CACNA2D1: variants seen among roughly 807,000 people sequenced by gnomAD.
CACNA2D1 encodes voltage-dependent calcium channel subunit alpha-2/delta-1.
CACNA2D1 carries 53 observed loss-of-function variants against 171.5 expected under a neutral mutation model. The observed-to-expected ratio is 0.31, with a 90% CI of 0.25 to 0.39. CACNA2D1 has a LOEUF of 0.39. CACNA2D1 is among the 10% of genes least tolerant of loss of function. The pLI is 1.00. For missense variants in CACNA2D1, 903 were observed against 1,299.8 expected (o/e 0.69, Z 4.69); for synonymous variants, 442 against 443.1 (o/e 1.00, Z 0.03).
intron 1 of CACNA2D1, among the ~76,000 whole-genome samples, chr7:82,357,677 C>T (rs1330378692): frequency 6.9e-6 from 1 of 144,432 alleles, no homozygotes; most frequent in Admixed American, 7.3e-5. Flanking sequence ...GGGAACTATA[C>T]CACAGAGAAA....
At position 82,167,833 on chromosome 7, in the gene CACNA2D1, G is replaced by A. The variant is rs549046277; in HGVS notation, c.354+2717C>T. On this transcript the variant is annotated intron_variant, in intron 4 of 38. Coordinates refer to ENST00000356860, the MANE Select transcript of CACNA2D1 (RefSeq NM_000722.4). ...AATAAATTGTGAGGTAACCAAGGGG[G>A]AAATTAGGAACAGAATTTCTTCAAG... Among the ~76,000 whole-genome samples the A allele has an allele frequency of 1.4e-4, 22 of 152,186 alleles. No homozygotes were observed. The East Asian group carries it at 3.5e-3, about 24-fold the overall frequency.
At chr7:81,958,225 T>A (rs1793669288) in intron 38 of CACNA2D1, among the ~76,000 whole-genome samples, 2 of 152,112 alleles carry the variant, frequency 1.3e-5, no homozygotes, top group South Asian at 4.1e-4. Flanking sequence ...CCATTACTGA[T>A]TTTATTACTT....
At chr7:82,317,901 C>T (rs1563358212) in intron 3 of CACNA2D1, among the ~76,000 whole-genome samples, 1 of 150,960 alleles carries the variant, frequency 6.6e-6, no homozygotes, top group Non-Finnish European at 1.5e-5. Flanking sequence ...AATGAAAATC[C>T]GAAGAGAGTT....
intron 6 of CACNA2D1, among the ~76,000 whole-genome samples, chr7:82,089,172 G>A (rs1311511828): frequency 1.3e-5 from 2 of 152,084 alleles, no homozygotes; most frequent in Admixed American, 6.5e-5. Flanking sequence ...CTGACAAATA[G>A]TAATGTTTTA....
At chr7:82,354,958 T>C (rs17156204) in intron 1 of CACNA2D1, among the ~76,000 whole-genome samples, 2,264 of 152,292 alleles carry the variant, frequency 0.015, 51 homozygotes, top group South Asian at 0.11. Flanking sequence ...AAACAAGGCT[T>C]ATCTCTTTAT....
At chr7:81,993,196 A>G (rs937405818) in intron 20 of CACNA2D1, among the ~76,000 whole-genome samples, 1 of 152,192 alleles carries the variant, frequency 6.6e-6, no homozygotes, top group Non-Finnish European at 1.5e-5. Context: ...AAAAATGTTT[A>G]CAAATTAATT....
chr7:81,981,462 C>A (rs1796439345), intron 24 of CACNA2D1, among the ~76,000 whole-genome samples: 1 of 152,124 alleles, frequency 6.6e-6, no homozygotes, highest in South Asian at 2.1e-4. Flanking sequence ...TCAAAAAACC[C>A]ATATTCCCTA....
At chr7:82,116,214 T>C (rs1449640443) in intron 6 of CACNA2D1, among the ~76,000 whole-genome samples, 3 of 152,082 alleles carry the variant, frequency 2.0e-5, no homozygotes, top group African/African-American at 7.2e-5. Context: ...GAATAAATAA[T>C]ATGGAAGACC....
At chr7:82,443,062 G>A (rs1389539939) in intron 1 of CACNA2D1, among the ~76,000 whole-genome samples, 2 of 152,214 alleles carry the variant, frequency 1.3e-5, no homozygotes, top group African/African-American at 4.8e-5. Context: ...GCTGCACTCT[G>A]AAGTCTAGAG....
chr7:82,047,925 T>G lies in CACNA2D1; in HGVS notation c.880-9690A>C, dbSNP rs533807081. Among the ~76,000 whole-genome samples, 7 of 152,204 alleles carry G rather than the reference T, an allele frequency of 4.6e-5. No homozygotes were observed. In the East Asian group the frequency reaches 1.4e-3, roughly 29 times the overall value. On this transcript the variant is annotated intron_variant, in intron 10 of 38. Coordinates refer to ENST00000356860, the MANE Select transcript of CACNA2D1 (RefSeq NM_000722.4). The stretch of plus-strand genomic sequence containing the variant: ...GAAGGCCTCTCTATCACGCAGTATT[T>G]GAGCAAAGACCTGAGCTGGGGGAAG...
intron 1 of CACNA2D1, among the ~76,000 whole-genome samples, chr7:82,380,780 C>T (rs954389693): frequency 1.3e-5 from 2 of 151,930 alleles, no homozygotes; most frequent in Non-Finnish European, 2.9e-5. Context: ...CTGCGACCTC[C>T]GCCTGCCAGG....
rs1808472743 is a variant in CACNA2D1 at position 82,072,735 on chromosome 7, G to C, written c.659-6211C>G. On this transcript the variant is annotated intron_variant, in intron 7 of 38. Coordinates refer to ENST00000356860, the MANE Select transcript of CACNA2D1 (RefSeq NM_000722.4). ...TGTAGAAATTAAAATCATGAATTTG[G>C]GAACCAGCCTACCTGGATTTTTCAC... Among the ~76,000 whole-genome samples the C allele has an allele frequency of 3.3e-5, 5 of 151,842 alleles. No homozygotes were observed. In the South Asian group the frequency reaches 1.0e-3, roughly 32 times the overall value.
At chr7:81,951,969 GTTTTTTTT>G (rs774805421) in intron 38 of CACNA2D1, among the ~76,000 whole-genome samples, 14 of 71,916 alleles carry the variant, frequency 1.9e-4, no homozygotes, top group African/African-American at 7.9e-4. Context: ...TGTACAAAGT[GTTTTTTTT>G]TTTTTTTTTT....
At chr7:82,429,559 T>C (rs1829498784) in intron 1 of CACNA2D1, among the ~76,000 whole-genome samples, 1 of 152,118 alleles carries the variant, frequency 6.6e-6, no homozygotes. Flanking sequence ...GGCTCCTCTG[T>C]CACAGTCATG....
At chr7:82,096,879 T>C in intron 6 of CACNA2D1, among the ~76,000 whole-genome samples, 1 of 152,042 alleles carries the variant, frequency 6.6e-6, no homozygotes, top group Admixed American at 6.6e-5. Flanking sequence ...TTCAAATAAG[T>C]TGTGATCACT....
At chr7:82,289,212 C>T (rs1811220064) in intron 3 of CACNA2D1, among the ~76,000 whole-genome samples, 1 of 152,288 alleles carries the variant, frequency 6.6e-6, no homozygotes, top group East Asian at 1.9e-4. Context: ...TATACCTCCA[C>T]ATTTAAATAT....
chr7:82,071,516 C>T (rs751932221), intron 7 of CACNA2D1, among the ~76,000 whole-genome samples: 1 of 152,076 alleles, frequency 6.6e-6, no homozygotes, highest in Non-Finnish European at 1.5e-5. Flanking sequence ...TATAGGTAGT[C>T]AAATGAGGAA....
intron 4 of CACNA2D1, among the ~76,000 whole-genome samples, chr7:82,138,510 G>A (rs1199197260): frequency 6.9e-6 from 1 of 145,048 alleles, no homozygotes; most frequent in East Asian, 2.1e-4. Context: ...GCAGTGGCGC[G>A]ATCTCGGCTC....
chr7:82,160,661 A>G (rs1411156173), intron 4 of CACNA2D1, among the ~76,000 whole-genome samples: 1 of 151,948 alleles, frequency 6.6e-6, no homozygotes, highest in Non-Finnish European at 1.5e-5. Flanking sequence ...CCTTGTAGAG[A>G]CAAGGTCTCC....
Sources: gnomAD v4.1 joint callset for allele counts (sites outside exome capture counted in the v4.1 genomes callset) on GRCh38, gnomAD v4.1.1 for gene constraint, MANE v1.5 for transcripts, NCBI Gene and HGNC (gene_info 2026-07-23, HGNC 2026-07-21) for gene names.